Variants in HSPA12A observed in about 807,000 individuals in gnomAD.
The protein encoded by HSPA12A is heat shock 70 kDa protein 12A.
Under a neutral mutation model 69.2 loss-of-function variants are expected in HSPA12A, and 28 were observed. The ratio of observed to expected loss-of-function variants is 0.40; its 90% CI spans 0.30 to 0.55. The LOEUF is 0.55. Ranked by LOEUF, HSPA12A falls within the 20% of genes least tolerant of loss-of-function variation. The pLI, the probability that HSPA12A is intolerant of heterozygous loss-of-function variation, is 0.38. For synonymous variants in HSPA12A, 345 were observed against 370.5 expected (o/e 0.93, Z 0.79); for missense variants, 686 against 900.7 (o/e 0.76, Z 3.05).
chr10:116,714,442 C>A (rs10787720), intron 1 of HSPA12A, among the ~76,000 whole-genome samples: 1 of 151,946 alleles, frequency 6.6e-6, no homozygotes, highest in Non-Finnish European at 1.5e-5. Context: ...AGCCCTATCA[C>A]TCCTTCTAAT....
chr10:116,824,044 C>A (rs1374168221), intron 2 of HSPA12A, among the ~76,000 whole-genome samples: 1 of 152,078 alleles, frequency 6.6e-6, no homozygotes, highest in African/African-American at 2.4e-5. Flanking sequence ...ATAAAGAACT[C>A]TTACAAATCA....
At chr10:116,735,835 TAAA>T (rs67575935) in intron 1 of HSPA12A, among the ~76,000 whole-genome samples, 2 of 136,992 alleles carry the variant, frequency 1.5e-5, no homozygotes, top group African/African-American at 2.7e-5. Context: ...TGTCCCTATT[TAAA>T]AAAAAAAAAA....
intron 2 of HSPA12A, among the ~76,000 whole-genome samples, chr10:116,762,268 A>G (rs1256370086): frequency 1.3e-5 from 2 of 152,070 alleles, no homozygotes; most frequent in Non-Finnish European, 2.9e-5. Context: ...GTCACTTCCC[A>G]CCTGGATGAC....
At chr10:116,752,324 G>T (rs1332401673) in intron 2 of HSPA12A, among the ~76,000 whole-genome samples, 4 of 152,216 alleles carry the variant, frequency 2.6e-5, no homozygotes, top group East Asian at 1.9e-4. Context: ...TCTAAAGTTT[G>T]CATTAAAGTC....
At chr10:116,849,499 G>A in intron 1 of HSPA12A, 1 of 1,431,366 alleles carries the variant, frequency 7.0e-7, no homozygotes, top group South Asian at 1.6e-5. Flanking sequence ...ACGTTGCGTT[G>A]CCTAGCGACA....
At chr10:116,707,593 T>C (rs1426024745) in intron 1 of HSPA12A, among the ~76,000 whole-genome samples, 10 of 152,230 alleles carry the variant, frequency 6.6e-5, no homozygotes, top group African/African-American at 2.4e-4. Context: ...GCTCCGCTCC[T>C]GGCTGTGTTG....
intron 2 of HSPA12A, chr10:116,832,318 C>G (rs1054257231): frequency 1.3e-5 from 2 of 152,216 alleles, no homozygotes; most frequent in African/African-American, 4.8e-5. Context: ...CAAGCACGTG[C>G]CACCACACCC....
At chr10:116,841,044 A>G (rs749708681) in intron 1 of HSPA12A, among the ~76,000 whole-genome samples, 9 of 152,184 alleles carry the variant, frequency 5.9e-5, no homozygotes, top group Non-Finnish European at 1.2e-4. Context: ...ACACACACAA[A>G]TGGTGATGAG....
intron 1 of HSPA12A, among the ~76,000 whole-genome samples, chr10:116,726,049 A>ACACACACG: frequency 6.6e-6 from 1 of 150,626 alleles, no homozygotes; most frequent in Non-Finnish European, 1.5e-5. Flanking sequence ...ACACACACAC[A>ACACACACG]CACACAACAG....
chr10:116,705,340 C>A, intron 2 of HSPA12A, 62 bp from the exon 3 acceptor site: 2 of 1,590,152 alleles, frequency 1.3e-6, no homozygotes, highest in Non-Finnish European at 8.6e-7. Flanking sequence ...CAGGAAGACA[C>A]CCCTGGGGGG....
At chr10:116,809,160 G>A (rs1487442842) in intron 2 of HSPA12A, among the ~76,000 whole-genome samples, 3 of 152,108 alleles carry the variant, frequency 2.0e-5, no homozygotes, top group Non-Finnish European at 4.4e-5. Flanking sequence ...GCCACTTCCC[G>A]GCACCTGGCT....
chr10:116,736,217 A>G (rs1554886416), intron 1 of HSPA12A, among the ~76,000 whole-genome samples: 6 of 152,150 alleles, frequency 3.9e-5, no homozygotes. Flanking sequence ...AAAAGTAACA[A>G]TGTCTCTAAG....
intron 1 of HSPA12A, among the ~76,000 whole-genome samples, chr10:116,838,576 G>A (rs1415632737): frequency 6.6e-6 from 1 of 152,126 alleles, no homozygotes; most frequent in East Asian, 1.9e-4. Context: ...CAAGAGGTCT[G>A]CCTAGAATTC....
At position 116,742,465 on chromosome 10, in the gene HSPA12A, G is replaced by A; in HGVS notation, c.5C>T (p.Ala2Val). M[A>V]DKEAGGSDGP... Reference sequence around the variant, plus strand: ...GTCGCTGCCGCCGGCCTCCTTGTCCGCCATGGTCGCGCAGCCCCGGACCGC... The same window carrying A: ...GTCGCTGCCGCCGGCCTCCTTGTCCACCATGGTCGCGCAGCCCCGGACCGC... Residue 2 changes from alanine (A) to valine (V), a missense_variant, in exon 1 of 12, where the codon GCG becomes GTG. Ala to Val is a moderately conservative substitution (Grantham distance 64). Coordinates refer to ENST00000369209, the MANE Select transcript of HSPA12A (RefSeq NM_025015.3). 2 of 1,395,484 alleles carry A rather than the reference G, an allele frequency of 1.4e-6. No homozygotes were observed. Among genetic ancestry groups the A allele is most frequent in the Non-Finnish European group, 1.9e-6 (2 of 1,072,238 alleles). 86.4% of individuals were successfully genotyped at this position (1,395,484 alleles called of 1,614,324 possible). A position where few individuals can be genotyped will look rare whatever the true frequency, so the allele number is the denominator to read the frequency against.
chr10:116,778,487 C>A (rs868911317), intron 2 of HSPA12A, among the ~76,000 whole-genome samples: 12 of 152,184 alleles, frequency 7.9e-5, no homozygotes, highest in African/African-American at 2.9e-4. Flanking sequence ...TCAGAGAGAA[C>A]CACATTGCTC....
chr10:116,674,957 C>A lies in HSPA12A; in HGVS notation c.1852G>T (p.Val618Leu). The change falls in exon 12 of 12, where the codon GTG becomes TTG. Residue 618 changes from valine (V) to leucine (L), a missense_variant. Physicochemically the swap from Val to Leu is conservative, Grantham distance 32. Coordinates refer to ENST00000369209, the MANE Select transcript of HSPA12A (RefSeq NM_025015.3). Reference sequence around the variant, plus strand: ...AGGCGGAGCGTGCCACACTTCTTCACCCCGGGATCAGTGATGAAGCTGACG... The same window carrying A: ...AGGCGGAGCGTGCCACACTTCTTCAACCCGGGATCAGTGATGAAGCTGACG... ...DNVSFITDPG[V>L]KKCGTLRLDL... The A allele has an allele frequency of 1.2e-6, 2 of 1,614,140 alleles. No individual in the cohort carries two copies. The highest frequency in any genetic ancestry group is 1.7e-6 in the Non-Finnish European group (2 of 1,180,044).
At chr10:116,679,250 C>T (rs924811060) in intron 10 of HSPA12A, among the ~76,000 whole-genome samples, 5 of 152,224 alleles carry the variant, frequency 3.3e-5, no homozygotes, top group African/African-American at 1.2e-4. Context: ...CTTGCCAGGT[C>T]CCAGGCATTG....
intron 2 of HSPA12A, among the ~76,000 whole-genome samples, chr10:116,778,747 A>G (rs1844396546): frequency 6.6e-6 from 1 of 152,146 alleles, no homozygotes; most frequent in South Asian, 2.1e-4. Context: ...GGATGGCATG[A>G]TGGGACCCGC....
At chr10:116,681,643 T>C in intron 8 of HSPA12A, 148 bp downstream of exon 8, 2 of 649,718 alleles carry the variant, frequency 3.1e-6, no homozygotes, top group East Asian at 2.7e-5. Context: ...AAATTACAGC[T>C]CCCAAAAGAG....
Sources: allele counts gnomAD v4.1 joint callset (sites outside exome capture counted in the v4.1 genomes callset), GRCh38; gene constraint gnomAD v4.1.1; transcripts MANE v1.5; gene names NCBI Gene and HGNC (gene_info 2026-07-23, HGNC 2026-07-21).